The following PHACTR4 variants were observed in gnomAD, a reference collection of about 807,000 sequenced individuals.
PHACTR4 encodes the protein phosphatase and actin regulator 4, also known as protein phosphatase 1, regulatory subunit 124.
A neutral mutation model predicts 72.7 loss-of-function variants in PHACTR4; 51 were observed. That is an observed-to-expected ratio of 0.70 (90% CI 0.56 to 0.89). The LOEUF (loss-of-function observed/expected upper bound fraction) is 0.89. Ranked by LOEUF, PHACTR4 falls within the 40% of genes least tolerant of loss-of-function variation. The probability of loss-of-function intolerance (pLI) is 0.00; values close to 1 mark genes in which losing one functional copy is unlikely to be tolerated. For missense variants in PHACTR4, 731 were observed against 861.8 expected (o/e 0.85, Z 1.90); for synonymous variants, 255 against 302.5 (o/e 0.84, Z 1.63).
intron 3 of PHACTR4, among the ~76,000 whole-genome samples, chr1:28,459,763 C>T (rs1021847293): frequency 6.6e-6 from 1 of 152,118 alleles, no homozygotes; most frequent in African/African-American, 2.4e-5. Flanking sequence ...ATATTGTATA[C>T]CCTCATTCCC....
chr1:28,490,597 G>A (rs1660972065), intron 10 of PHACTR4, among the ~76,000 whole-genome samples: 1 of 150,872 alleles, frequency 6.6e-6, no homozygotes, highest in African/African-American at 2.4e-5. Context: ...TGTAATCCCA[G>A]CACTTTGGAA....
chr1:28,397,959 C>T (rs537406662), intron 1 of PHACTR4, among the ~76,000 whole-genome samples: 29 of 151,908 alleles, frequency 1.9e-4, no homozygotes, highest in Admixed American at 5.9e-4. Flanking sequence ...ATGATCCGCC[C>T]GCCTCGGCCT....
chr1:28,403,795 A>C (rs1229276353), intron 1 of PHACTR4, among the ~76,000 whole-genome samples: 2 of 152,066 alleles, frequency 1.3e-5, no homozygotes, highest in Non-Finnish European at 1.5e-5. Flanking sequence ...CTATAGACTT[A>C]CCTATTATGG....
At chr1:28,461,302 A>G (rs1658790964) in intron 4 of PHACTR4, among the ~76,000 whole-genome samples, 1 of 152,044 alleles carries the variant, frequency 6.6e-6, no homozygotes, top group Non-Finnish European at 1.5e-5. Flanking sequence ...TTAGGAGGGC[A>G]TAGTAGCAGG....
chr1:28,459,677 C>T (rs1306669901), intron 3 of PHACTR4, among the ~76,000 whole-genome samples: 2 of 152,154 alleles, frequency 1.3e-5, no homozygotes, highest in Non-Finnish European at 2.9e-5. Flanking sequence ...GCTGGGATTA[C>T]AAGCATGAGC....
chr1:28,405,436 C>T (rs903076475), intron 1 of PHACTR4, among the ~76,000 whole-genome samples: 3 of 151,984 alleles, frequency 2.0e-5, no homozygotes, highest in Non-Finnish European at 4.4e-5. Context: ...AAGCAATTCT[C>T]ATGCCTCAGC....
chr1:28,436,789 A>G (rs1656663884), intron 2 of PHACTR4, among the ~76,000 whole-genome samples: 2 of 152,184 alleles, frequency 1.3e-5, no homozygotes, highest in Admixed American at 6.6e-5. Flanking sequence ...AGTTACGGAT[A>G]AAAAAGGAAA....
At chr1:28,376,425 C>T (rs1651676646) in intron 1 of PHACTR4, among the ~76,000 whole-genome samples, 1 of 151,814 alleles carries the variant, frequency 6.6e-6, no homozygotes, top group Admixed American at 6.6e-5. Context: ...AAGCACTCCT[C>T]CCACCTCAAC....
At chr1:28,488,061 C>T (rs994878644) in intron 9 of PHACTR4, among the ~76,000 whole-genome samples, 4 of 151,966 alleles carry the variant, frequency 2.6e-5, no homozygotes, top group East Asian at 1.9e-4. Context: ...TGGTGAATAA[C>T]ATCTCAGAAC....
intron 11 of PHACTR4, among the ~76,000 whole-genome samples, chr1:28,491,351 G>T (rs1311468633): frequency 6.6e-6 from 1 of 151,996 alleles, no homozygotes; most frequent in Non-Finnish European, 1.5e-5. Flanking sequence ...TCAGCTACTT[G>T]GGAGGCTGAG....
chr1:28,377,538 C>T (rs1651780925), intron 1 of PHACTR4, among the ~76,000 whole-genome samples: 1 of 152,056 alleles, frequency 6.6e-6, no homozygotes, highest in Non-Finnish European at 1.5e-5. Context: ...CCACACCCAG[C>T]CCATCAAAGC....
chr1:28,476,163 T>C lies in PHACTR4; in HGVS notation c.1478T>C (p.Met493Thr), dbSNP rs750507408. The change falls in exon 8 of 14, where the codon ATG (methionine) becomes ACG (threonine). Residue 493 changes from methionine (M) to threonine (T), a missense_variant. This residue lies in a region of PHACTR4 where 621 missense variants were observed against 676.6 expected (regional missense o/e 0.92). Transcript: ENST00000373839. Reference sequence around the variant, plus strand: ...TGTCCATCCACATTCAGTGAAGAAATGACACCTACCTCAGTCATTCCTAAA... The same window carrying C: ...TGTCCATCCACATTCAGTGAAGAAACGACACCTACCTCAGTCATTCCTAAA... ...QTCPSTFSEE[M>T]TPTSVIPKLP... The C allele has an allele frequency of 1.3e-5, 21 of 1,613,734 alleles. No individual in the cohort carries two copies. The highest frequency in any genetic ancestry group is 1.1e-5 in the South Asian group (1 of 91,040).
chr1:28,404,047 G>A (rs1654130546), intron 1 of PHACTR4, among the ~76,000 whole-genome samples: 2 of 152,054 alleles, frequency 1.3e-5, no homozygotes, highest in African/African-American at 2.4e-5. Flanking sequence ...TTTTTCGTTT[G>A]TTTGTTTTGG....
chr1:28,446,566 G>T (rs1342862572), intron 2 of PHACTR4, among the ~76,000 whole-genome samples: 1 of 152,164 alleles, frequency 6.6e-6, no homozygotes, highest in Non-Finnish European at 1.5e-5. Context: ...GGATCATGAG[G>T]TCGGGAGTTC....
At chr1:28,375,841 G>A (rs1050783053) in intron 1 of PHACTR4, among the ~76,000 whole-genome samples, 1 of 152,122 alleles carries the variant, frequency 6.6e-6, no homozygotes, top group Non-Finnish European at 1.5e-5. Flanking sequence ...AGGCCGAGGT[G>A]GGTGGATCAC....
chr1:28,443,287 T>TC (rs1657179996), intron 2 of PHACTR4, among the ~76,000 whole-genome samples: 1 of 147,648 alleles, frequency 6.8e-6, no homozygotes, highest in Non-Finnish European at 1.5e-5. Context: ...CTCTCTCTTC[T>TC]TTCTTTCTTT....
At chr1:28,401,919 A>G (rs1350417817) in intron 1 of PHACTR4, among the ~76,000 whole-genome samples, 1 of 152,130 alleles carries the variant, frequency 6.6e-6, no homozygotes, top group Non-Finnish European at 1.5e-5. Flanking sequence ...TTTTGAAAGG[A>G]TCACCCAGGC....
intron 6 of PHACTR4, among the ~76,000 whole-genome samples, chr1:28,467,959 C>G (rs1659310435): frequency 6.6e-6 from 1 of 152,094 alleles, no homozygotes; most frequent in Non-Finnish European, 1.5e-5. Flanking sequence ...AAAAATGATA[C>G]TAGGCTTAGT....
rs1659758627 is a variant in PHACTR4 at position 28,474,047 on chromosome 1, C to T, written c.1317C>T (p.His439=). Residue 439 remains histidine, a synonymous_variant, in exon 7 of 14, where the codon CAC becomes CAT. Transcript: ENST00000373839. ...TGACTCCTATTCTGGAGGGTTCTCACAGAGCTCATTCGTTGCTTTTTGAAA... is the reference window on the plus strand; with the variant it reads ...TGACTCCTATTCTGGAGGGTTCTCATAGAGCTCATTCGTTGCTTTTTGAAA... ...LPMTPILEGS[H]RAHSLLFENS... is the part of the protein sequence containing the mutation. 3 of 1,614,098 alleles carry T rather than the reference C, an allele frequency of 1.9e-6. No homozygotes were observed. Among genetic ancestry groups the T allele is most frequent in the African/African-American group, 2.7e-5 (2 of 74,922 alleles).
Sources: gnomAD v4.1 joint callset for allele counts (sites outside exome capture counted in the v4.1 genomes callset) on GRCh38, gnomAD v4.1.1 for gene constraint, gnomAD v4.1.1 regional missense constraint, MANE v1.5 for transcripts, NCBI Gene and HGNC (gene_info 2026-07-23, HGNC 2026-07-21) for gene names.